The following FRMD4A variants were observed in gnomAD, a reference collection of about 807,000 sequenced individuals.
FRMD4A encodes the protein FERM domain-containing protein 4A.
Under a neutral mutation model 129.1 loss-of-function variants are expected in FRMD4A, and 29 were observed. The observed-to-expected ratio is 0.22, with a 90% confidence interval of 0.17 to 0.31. FRMD4A has a LOEUF of 0.31. FRMD4A is among the 10% of genes least tolerant of loss of function. The pLI, the probability that FRMD4A is intolerant of heterozygous loss-of-function variation, is 1.00. For synonymous variants in FRMD4A, 634 were observed against 571.6 expected (o/e 1.11, Z -1.56); for missense variants, 1,272 against 1,375.8 (o/e 0.92, Z 1.19).
chr10:13,738,653 C>T (rs978123453), intron 11 of FRMD4A, among the ~76,000 whole-genome samples: 1 of 152,056 alleles, frequency 6.6e-6, no homozygotes, highest in African/African-American at 2.4e-5. Flanking sequence ...TGGAGTCTCA[C>T]TCTGTCACCC....
chr10:13,901,111 G>A (rs974358756), intron 2 of FRMD4A, among the ~76,000 whole-genome samples: 2 of 152,282 alleles, frequency 1.3e-5, no homozygotes, highest in African/African-American at 4.8e-5. Flanking sequence ...CGAGAAGTCG[G>A]CCACTGCCAG....
intron 2 of FRMD4A, among the ~76,000 whole-genome samples, chr10:14,292,361 C>A (rs1437444766): frequency 6.6e-6 from 1 of 152,204 alleles, no homozygotes; most frequent in South Asian, 2.1e-4. Context: ...AGATTTGTCA[C>A]AGAAGGATAT....
chr10:14,216,335 C>T (rs1843074515), intron 2 of FRMD4A, among the ~76,000 whole-genome samples: 1 of 152,048 alleles, frequency 6.6e-6, no homozygotes, highest in African/African-American at 2.4e-5. Context: ...ACAGGAATCA[C>T]GTTTGCACTT....
At chr10:13,709,855 C>CT (rs200821464) in intron 12 of FRMD4A, among the ~76,000 whole-genome samples, 1,531 of 151,228 alleles carry the variant, frequency 0.01, 22 homozygotes, top group African/African-American at 0.032. Flanking sequence ...TATCTTTATT[C>CT]TTTTTTTTTG....
At chr10:14,029,846 C>A (rs150362077) in intron 2 of FRMD4A, among the ~76,000 whole-genome samples, 2 of 150,304 alleles carry the variant, frequency 1.3e-5, no homozygotes, top group Non-Finnish European at 3.0e-5. Flanking sequence ...TGTTTTTAAT[C>A]GTTTTTGAGT....
intron 2 of FRMD4A, among the ~76,000 whole-genome samples, chr10:14,188,772 GGCAT>G (rs1842226721): frequency 6.6e-6 from 1 of 152,230 alleles, no homozygotes; most frequent in African/African-American, 2.4e-5. Context: ...GAGCACCAGT[GGCAT>G]GCGCCTGTGG....
intron 2 of FRMD4A, among the ~76,000 whole-genome samples, chr10:14,223,852 C>T (rs957043833): frequency 2.0e-5 from 3 of 151,752 alleles, no homozygotes; most frequent in Admixed American, 6.6e-5. Context: ...ATCTCCCTGT[C>T]GTTGGACTCC....
chr10:14,258,845 CAT>C (rs1186996160), intron 2 of FRMD4A, among the ~76,000 whole-genome samples: 1 of 152,094 alleles, frequency 6.6e-6, no homozygotes, highest in East Asian at 1.9e-4. Flanking sequence ...AATATTGACA[CAT>C]GTGACAATAT....
At chr10:13,842,350 T>C (rs2093980215) in intron 3 of FRMD4A, among the ~76,000 whole-genome samples, 2 of 152,228 alleles carry the variant, frequency 1.3e-5, no homozygotes, top group South Asian at 4.1e-4. Flanking sequence ...CTTTTGTCTC[T>C]GCTAGCCATT....
chr10:14,213,743 C>A (rs574720590), intron 2 of FRMD4A, among the ~76,000 whole-genome samples: 127 of 152,286 alleles, frequency 8.3e-4, no homozygotes, highest in African/African-American at 2.9e-3. Flanking sequence ...TGTCCCCACC[C>A]AAATCTCATC....
At chr10:14,123,960 G>A (rs532479464) in intron 2 of FRMD4A, among the ~76,000 whole-genome samples, 1 of 152,196 alleles carries the variant, frequency 6.6e-6, no homozygotes, top group South Asian at 2.1e-4. Context: ...CTCCTCCAAT[G>A]TCCCTTATAA....
intron 2 of FRMD4A, among the ~76,000 whole-genome samples, chr10:13,920,936 C>T (rs1011414062): frequency 1.1e-4 from 16 of 152,222 alleles, no homozygotes; most frequent in African/African-American, 3.9e-4. Flanking sequence ...CTGCGCCACA[C>T]ATGTTACCTA....
chr10:13,844,975 G>C (rs1390201534), intron 3 of FRMD4A, among the ~76,000 whole-genome samples: 1 of 152,172 alleles, frequency 6.6e-6, no homozygotes, highest in African/African-American at 2.4e-5. Context: ...GTTGATAAGG[G>C]ATACAGTGTG....
rs776905488 is a variant in FRMD4A at position 14,184,201 on chromosome 10, G to C, written c.45+145857C>G. Reference sequence around the variant, plus strand: ...GGCTGGAGCGCGGTGGTGCCATCTCGGCTCACTGCAAACTCTGCCTCCTGG... The same window carrying C: ...GGCTGGAGCGCGGTGGTGCCATCTCCGCTCACTGCAAACTCTGCCTCCTGG... On this transcript the variant is annotated intron_variant, in intron 2 of 24. Coordinates refer to ENST00000357447, the MANE Select transcript of FRMD4A (RefSeq NM_018027.5). Among the ~76,000 whole-genome samples, 283 of 140,686 alleles carry C rather than the reference G, an allele frequency of 2.0e-3. 2 individuals are homozygous for C. The highest frequency in any genetic ancestry group is 7.6e-3 in the Middle Eastern group (2 of 264). 92.3% of individuals were successfully genotyped at this position (140,686 alleles called of 152,430 possible).
At chr10:14,012,549 T>A (rs758202711) in intron 2 of FRMD4A, among the ~76,000 whole-genome samples, 4 of 152,034 alleles carry the variant, frequency 2.6e-5, no homozygotes, top group Non-Finnish European at 5.9e-5. Flanking sequence ...TTTGCAGTGT[T>A]GGTGATAATG....
chr10:14,305,671 G>GTT (rs1846325954), intron 2 of FRMD4A, among the ~76,000 whole-genome samples: 1 of 151,944 alleles, frequency 6.6e-6, no homozygotes, highest in East Asian at 1.9e-4. Context: ...AAACATATAT[G>GTT]CACACATATG....
At chr10:14,231,957 G>T (rs1463711795) in intron 2 of FRMD4A, among the ~76,000 whole-genome samples, 1 of 152,082 alleles carries the variant, frequency 6.6e-6, no homozygotes, top group Non-Finnish European at 1.5e-5. Context: ...TGTCAATTTT[G>T]TTTTCATGGT....
At chr10:13,948,691 AC>A (rs1160301823) in intron 2 of FRMD4A, among the ~76,000 whole-genome samples, 2 of 132,852 alleles carry the variant, frequency 1.5e-5, no homozygotes, top group African/African-American at 5.7e-5. Context: ...TCACTCTGTC[AC>A]CCAGGCTGGA....
At chr10:13,699,277 A>C (rs887226954) in intron 14 of FRMD4A, among the ~76,000 whole-genome samples, 2 of 115,294 alleles carry the variant, frequency 1.7e-5, no homozygotes. Flanking sequence ...GGGTTTCCCC[A>C]TGTTTGCCAG....
Sources: allele counts gnomAD v4.1 joint callset (sites outside exome capture counted in the v4.1 genomes callset), GRCh38; gene constraint gnomAD v4.1.1; transcripts MANE v1.5; gene names NCBI Gene and HGNC (gene_info 2026-07-23, HGNC 2026-07-21).